The following COL4A6 variants were observed in gnomAD, a reference collection of about 807,000 sequenced individuals.
The protein encoded by COL4A6 is collagen alpha-6(IV) chain.
COL4A6 carries 59 observed loss-of-function variants against 126.7 expected under a neutral mutation model. That is an observed-to-expected ratio of 0.47 (90% CI 0.38 to 0.58). COL4A6 has a LOEUF of 0.58. Ranked by LOEUF, COL4A6 falls within the 20% of genes least tolerant of loss-of-function variation. COL4A6 has a pLI of 0.00. For missense variants in COL4A6, 1,285 were observed against 1,337.3 expected, an observed-to-expected ratio of 0.96 and a Z score of 0.61; for synonymous variants, 547 against 496.6, an observed-to-expected ratio of 1.10 and a Z score of -1.35.
chrX:108,327,328 C>T (rs1208248557), intron 2 of COL4A6, among the ~76,000 whole-genome samples: 2 of 107,571 alleles, frequency 1.9e-5, no homozygotes, highest in Non-Finnish European at 3.8e-5. Flanking sequence ...CCTCCCACCC[C>T]GGCCCCTTCT....
intron 25 of COL4A6, among the ~76,000 whole-genome samples, chrX:108,179,801 G>C (rs1446596356): frequency 9.3e-6 from 1 of 107,361 alleles, no homozygotes; most frequent in African/African-American, 3.4e-5. Context: ...CTTGGGTGGG[G>C]AGAGGGTACT....
intron 2 of COL4A6, among the ~76,000 whole-genome samples, chrX:108,335,286 C>T (rs1345025260): frequency 8.9e-6 from 1 of 111,851 alleles, no homozygotes; most frequent in Non-Finnish European, 1.9e-5. Flanking sequence ...TGCCTTATCC[C>T]ATCTATTATT....
At chrX:108,204,458 C>A (rs745994060) in intron 11 of COL4A6, 46 bp from the exon 12 acceptor site, 5 of 1,096,895 alleles carry the variant, frequency 4.6e-6, no homozygotes, top group Non-Finnish European at 6.3e-6. Context: ...ATCACACCGA[C>A]CGTTTTTCCA....
rs1337028378 is a variant in COL4A6 at position 108,300,366 on chromosome X, C to CTCTCTGTG, written c.144+10381_144+10382insCACAGAGA. Reference sequence around the variant, plus strand: ...AGTTTGGGTCTCTCTCTCTCTCTCTCTGTGTGTGTGTGTGTGTGTGTGTGT... The same window carrying CTCTCTGTG: ...AGTTTGGGTCTCTCTCTCTCTCTCTCTCTCTGTGTGTGTGTGTGTGTGTGTGTGTGTGT... On this transcript the variant is annotated intron_variant, in intron 3 of 44. Coordinates refer to ENST00000334504, the MANE Select transcript of COL4A6 (RefSeq NM_033641.4). Among the ~76,000 whole-genome samples the CTCTCTGTG allele has an allele frequency of 6.0e-3, 591 of 98,162 alleles. 7 individuals are homozygous for CTCTCTGTG. The highest frequency in any genetic ancestry group is 0.019 in the African/African-American group (510 of 26,426). The allele number at this position is 98,162 out of a possible 115,157, so 85.2% of individuals were successfully genotyped here.
rs778975347 is a variant in COL4A6, at chrX:108,296,360, C to T, written c.144+14388G>A. 1.2e-3 allele frequency among the ~76,000 whole-genome samples: 138 copies of T among 111,836 alleles called. 1 individual carries two copies. The highest frequency in any genetic ancestry group is 3.4e-3 in the African/African-American group (103 of 30,737). ...ATGGGTGAGAATTGCTACTCCTTCC[C>T]TTTCGTGGTCCTATCATTTCTGAAT... On this transcript the variant is annotated intron_variant, in intron 3 of 44. Coordinates refer to ENST00000334504, the MANE Select transcript of COL4A6 (RefSeq NM_033641.4).
chrX:108,301,274 C>G (rs1328568072), intron 3 of COL4A6, among the ~76,000 whole-genome samples: 3 of 112,292 alleles, frequency 2.7e-5, no homozygotes, highest in Non-Finnish European at 5.6e-5. Flanking sequence ...TGACATGACT[C>G]CTCACAGAAC....
chrX:108,159,380 T>C, intron 44 of COL4A6, 82 bp downstream of exon 44: 1 of 1,063,615 alleles, frequency 9.4e-7, no homozygotes, highest in Non-Finnish European at 1.3e-6. Context: ...CTATGCTTTC[T>C]ACCTGGTGTC....
intron 2 of COL4A6, among the ~76,000 whole-genome samples, chrX:108,321,766 G>T (rs892957640): frequency 1.2e-4 from 13 of 110,721 alleles, no homozygotes; most frequent in Non-Finnish European, 2.1e-4. Context: ...AAATTCTGAG[G>T]CCTCTTTGGC....
intron 9 of COL4A6, chrX:108,206,247 G>A: frequency 9.1e-6 from 4 of 437,700 alleles, no homozygotes; most frequent in South Asian, 5.8e-5. Context: ...GGCAAGAAAT[G>A]TGTCAGGGAT....
At position 108,438,357 on chromosome X, in the gene COL4A6, A is replaced by T; in HGVS notation, c.-161T>A. ...GGAAGAAACTAAACACTGCTTCTAGATAAGAAGTGCTCCAAAGGGAAACAG... is the reference window on the plus strand; with the variant it reads ...GGAAGAAACTAAACACTGCTTCTAGTTAAGAAGTGCTCCAAAGGGAAACAG... On this transcript the variant is annotated 5_prime_UTR_variant, in exon 1 of 45. Transcript: ENST00000334504. 9.3e-7 allele frequency: 1 copy of T among 1,073,869 alleles called. No individual in the cohort carries two copies. The highest frequency in any genetic ancestry group is 1.2e-6 in the Non-Finnish European group (1 of 830,582). The allele number at this position is 1,073,869 out of a possible 1,213,427, so 88.5% of individuals were successfully genotyped here.
chrX:108,437,193 C>T (rs932585870), intron 2 of COL4A6, among the ~76,000 whole-genome samples: 2 of 112,072 alleles, frequency 1.8e-5, no homozygotes, highest in Non-Finnish European at 3.8e-5. Flanking sequence ...GTGAAATTAT[C>T]CTAGTAATTC....
At chrX:108,357,897 C>A (rs990939242) in intron 2 of COL4A6, among the ~76,000 whole-genome samples, 6 of 111,485 alleles carry the variant, frequency 5.4e-5, no homozygotes, top group African/African-American at 2.0e-4. Context: ...ATTTTATAGT[C>A]TTGTAACCCT....
chrX:108,194,656 A>G, intron 15 of COL4A6, 69 bp from the exon 16 acceptor site: 2 of 1,029,098 alleles, frequency 1.9e-6, no homozygotes, highest in Non-Finnish European at 2.7e-6. Context: ...TCTTTGGATT[A>G]AGCCAGGGCA....
chrX:108,194,470 C>T (rs1391651255), intron 16 of COL4A6, 64 bp downstream of exon 16: 29 of 1,030,208 alleles, frequency 2.8e-5, no homozygotes, highest in Non-Finnish European at 3.8e-5. Context: ...ATCTTATATA[C>T]AGACATTTGT....
At chrX:108,277,841 C>T (rs963822970) in intron 3 of COL4A6, among the ~76,000 whole-genome samples, 10 of 111,863 alleles carry the variant, frequency 8.9e-5, no homozygotes, top group Non-Finnish European at 1.3e-4. Context: ...CACGAAAATC[C>T]GCTGTTCTGC....
chrX:108,381,142 C>T (rs1366939739), intron 2 of COL4A6, among the ~76,000 whole-genome samples: 1 of 111,761 alleles, frequency 8.9e-6, no homozygotes, highest in Non-Finnish European at 1.9e-5. Context: ...TATTTATTAT[C>T]TTCTATTTGT....
chrX:108,280,278 T>C (rs1425616183), intron 3 of COL4A6, among the ~76,000 whole-genome samples: 1 of 108,887 alleles, frequency 9.2e-6, no homozygotes, highest in Admixed American at 9.8e-5. Flanking sequence ...GAGAGAAGAA[T>C]CAAATAGACG....
intron 2 of COL4A6, among the ~76,000 whole-genome samples, chrX:108,421,873 G>A (rs2063986823): frequency 8.9e-6 from 1 of 111,846 alleles, no homozygotes; most frequent in African/African-American, 3.2e-5. Context: ...TTCTTAAGCT[G>A]GGTGATGGTC....
intron 2 of COL4A6, among the ~76,000 whole-genome samples, chrX:108,401,940 G>A (rs1382439306): frequency 1.8e-5 from 2 of 111,336 alleles, no homozygotes; most frequent in African/African-American, 6.5e-5. Flanking sequence ...TAAAACCACT[G>A]CTACATTCCT....
Sources: allele counts gnomAD v4.1 joint callset (sites outside exome capture counted in the v4.1 genomes callset), GRCh38; gene constraint gnomAD v4.1.1; transcripts MANE v1.5; gene names NCBI Gene and HGNC (gene_info 2026-07-23, HGNC 2026-07-21).